Variants in TNNI3K observed in about 807,000 individuals in gnomAD.
TNNI3K encodes the protein serine/threonine-protein kinase TNNI3K.
A neutral mutation model predicts 114.5 loss-of-function variants in TNNI3K; 140 were observed. The ratio of observed to expected loss-of-function variants is 1.22; its 90% CI spans 1.07 to 1.41. TNNI3K has a LOEUF of 1.41. TNNI3K is among the 40% of genes most tolerant of loss of function. The probability of loss-of-function intolerance (pLI) is 0.00; values close to 1 mark genes in which losing one functional copy is unlikely to be tolerated. For synonymous variants in TNNI3K, 347 were observed against 347.5 expected (o/e 1.00, Z 0.02); for missense variants, 1,125 against 1,007.6 (o/e 1.12, Z -1.58).
At chr1:74,372,206 A>G (rs187572327) in intron 17 of TNNI3K, 5 of 151,970 alleles carry the variant, frequency 3.3e-5, no homozygotes, top group African/African-American at 1.2e-4. Context: ...TTATAGGAAC[A>G]TAAAGATAAT....
chr1:74,527,701 A>G (rs1646521393), intron 23 of TNNI3K, among the ~76,000 whole-genome samples: 1 of 152,226 alleles, frequency 6.6e-6, no homozygotes, highest in African/African-American at 2.4e-5. Flanking sequence ...GATTGGAATC[A>G]GGGAGGTGAC....
chr1:74,410,752 GGGTCTTGAATTGA>G (rs1664842376), intron 17 of TNNI3K, among the ~76,000 whole-genome samples: 1 of 152,234 alleles, frequency 6.6e-6, no homozygotes, highest in African/African-American at 2.4e-5. Context: ...AAGCCAGTAG[GGGTCTTGAATTGA>G]GATGTATTCT....
intron 17 of TNNI3K, chr1:74,375,885 G>T: frequency 8.1e-6 from 2 of 246,692 alleles, no homozygotes; most frequent in Non-Finnish European, 8.5e-6. Context: ...CTAGGCACCG[G>T]GCAAGGAGAA....
At chr1:74,274,269 C>G (rs551851175) in intron 5 of TNNI3K, among the ~76,000 whole-genome samples, 3 of 151,916 alleles carry the variant, frequency 2.0e-5, no homozygotes, top group African/African-American at 7.2e-5. Flanking sequence ...TCACCATTGC[C>G]TTCACATTGA....
rs1000315019 is a variant in TNNI3K, at chr1:74,337,730, A to C, written c.682+1581A>C. Among the ~76,000 whole-genome samples, 5 of 152,116 alleles carry C rather than the reference A, an allele frequency of 3.3e-5. No individual in the cohort carries two copies. The East Asian group carries it at 9.6e-4, about 29-fold the overall frequency. On this transcript the variant is annotated intron_variant, in intron 7 of 24. Transcript: ENST00000326637. Reference sequence around the variant, plus strand: ...CCCTTCCCTTACCTCATCTCAGGTAAATAGACTTTACCACCAAAGGTAATT... The same window carrying C: ...CCCTTCCCTTACCTCATCTCAGGTACATAGACTTTACCACCAAAGGTAATT...
intron 23 of TNNI3K, among the ~76,000 whole-genome samples, chr1:74,496,050 A>C (rs977509315): frequency 6.6e-6 from 1 of 152,174 alleles, no homozygotes; most frequent in African/African-American, 2.4e-5. Flanking sequence ...TCATCTGGGA[A>C]GCTTTTACAA....
chr1:74,507,969 A>G (rs1164413568), intron 23 of TNNI3K, among the ~76,000 whole-genome samples: 6 of 152,240 alleles, frequency 3.9e-5, no homozygotes, highest in Non-Finnish European at 5.9e-5. Context: ...AAGCAAACAT[A>G]GTATAATATT....
intron 17 of TNNI3K, among the ~76,000 whole-genome samples, chr1:74,419,051 C>T (rs1665270782): frequency 6.6e-6 from 1 of 151,996 alleles, no homozygotes; most frequent in African/African-American, 2.4e-5. Flanking sequence ...AACAAATTAT[C>T]AAAAGTTGGT....
In TNNI3K at chr1:74,286,381, A is replaced by T. The variant is rs149333860; in HGVS notation, c.444+14673A>T. Among the ~76,000 whole-genome samples, 753 of 152,114 alleles carry T rather than the reference A, an allele frequency of 5.0e-3. 9 individuals are homozygous for T. Among genetic ancestry groups the T allele is most frequent in the African/African-American group, 0.017 (725 of 41,522 alleles). On this transcript the variant is annotated intron_variant, in intron 5 of 24. Coordinates refer to ENST00000326637, the MANE Select transcript of TNNI3K (RefSeq NM_015978.3). ...CTCAGGCTCATTCTAATATCAGACC[A>T]GCCCTCACAGCTCCAGGCCTGCTCT...
chr1:74,336,803 A>G (rs1192858692), intron 7 of TNNI3K, among the ~76,000 whole-genome samples: 3 of 151,826 alleles, frequency 2.0e-5, no homozygotes, highest in East Asian at 1.9e-4. Flanking sequence ...TAATGCCGCA[A>G]TAAACATATG....
chr1:74,436,055 CTTTTTTTT>C lies in TNNI3K; in HGVS notation c.1773-12_1773-5del, dbSNP rs67642732. 3 of 1,441,572 alleles carry C rather than the reference CTTTTTTTT, an allele frequency of 2.1e-6. No homozygotes were observed. The highest frequency in any genetic ancestry group is 2.8e-6 in the Non-Finnish European group (3 of 1,085,088). The allele number at this position is 1,441,572 out of a possible 1,614,324, so 89.3% of individuals were successfully genotyped here. Reference sequence around the variant, plus strand: ...CATAGCAAAGCTTACTCAATGTCTACTTTTTTTTTTTTTTTTTTTTACAGTCACAATAT... The same window carrying C: ...CATAGCAAAGCTTACTCAATGTCTACTTTTTTTTTTTTACAGTCACAATAT... On this transcript the variant is annotated splice_polypyrimidine_tract_variant and intron_variant, in intron 17 of 24. Coordinates refer to ENST00000326637, the MANE Select transcript of TNNI3K (RefSeq NM_015978.3).
At chr1:74,510,457 G>A (rs565002436) in intron 23 of TNNI3K, among the ~76,000 whole-genome samples, 10 of 152,190 alleles carry the variant, frequency 6.6e-5, no homozygotes, top group African/African-American at 1.9e-4. Flanking sequence ...GCAGAGAGCC[G>A]ACATCGCGCC....
At chr1:74,357,383 C>A (rs1661722646) in intron 11 of TNNI3K, among the ~76,000 whole-genome samples, 1 of 152,138 alleles carries the variant, frequency 6.6e-6, no homozygotes, top group East Asian at 1.9e-4. Flanking sequence ...TAACAGAAAA[C>A]CATGCAGTCT....
intron 17 of TNNI3K, among the ~76,000 whole-genome samples, chr1:74,428,699 C>T (rs1365207743): frequency 6.6e-6 from 1 of 151,970 alleles, no homozygotes; most frequent in Non-Finnish European, 1.5e-5. Flanking sequence ...CTCTGAGAGG[C>T]CAAGGAGAGA....
intron 9 of TNNI3K, among the ~76,000 whole-genome samples, chr1:74,351,843 T>A (rs1279013372): frequency 6.6e-6 from 1 of 152,230 alleles, no homozygotes; most frequent in East Asian, 1.9e-4. Context: ...CTTCTCTGCA[T>A]TGATTATTCT....
At chr1:74,311,124 G>A (rs3765660) in intron 5 of TNNI3K, among the ~76,000 whole-genome samples, 105,388 of 152,024 alleles carry the variant, frequency 0.69, 37,846 homozygotes, top group East Asian at 0.88. Flanking sequence ...GTTAACCTCC[G>A]GCTGCAAGGA....
At chr1:74,520,131 T>C (rs1316746493) in intron 23 of TNNI3K, among the ~76,000 whole-genome samples, 2 of 146,176 alleles carry the variant, frequency 1.4e-5, no homozygotes, top group East Asian at 4.1e-4. Context: ...ACCCAATTTG[T>C]AGTCTTTTAT....
intron 20 of TNNI3K, among the ~76,000 whole-genome samples, chr1:74,460,875 TC>T (rs1392963409): frequency 1.3e-5 from 2 of 152,230 alleles, no homozygotes; most frequent in African/African-American, 4.8e-5. Flanking sequence ...AAACTGATTT[TC>T]CAGACACACT....
chr1:74,478,585 A>G (rs556410664), intron 21 of TNNI3K, among the ~76,000 whole-genome samples: 32 of 152,346 alleles, frequency 2.1e-4, no homozygotes, highest in African/African-American at 7.5e-4. Flanking sequence ...ATCATGGCCA[A>G]ATAAGTTCAA....
Sources: gnomAD v4.1 joint callset for allele counts (sites outside exome capture counted in the v4.1 genomes callset) on GRCh38, gnomAD v4.1.1 for gene constraint, MANE v1.5 for transcripts, NCBI Gene and HGNC (gene_info 2026-07-23, HGNC 2026-07-21) for gene names.